The following MALRD1 variants were observed in gnomAD, a reference collection of about 807,000 sequenced individuals.
MALRD1 encodes the protein MAM and LDL-receptor class A domain-containing protein 1.
Under a neutral mutation model 242.1 loss-of-function variants are expected in MALRD1, and 247 were observed. The observed-to-expected ratio is 1.02, with a 90% CI of 0.92 to 1.13. MALRD1 has a LOEUF of 1.13. MALRD1 is among the 50% of genes most tolerant of loss of function. The pLI is 0.00. For synonymous variants in MALRD1, 995 were observed against 866.6 expected (o/e 1.15, Z -2.60); for missense variants, 2,989 against 2,533.1 (o/e 1.18, Z -3.86).
At chr10:19,270,842 A>ACACACACG (rs1380988363) in intron 19 of MALRD1, among the ~76,000 whole-genome samples, 3 of 149,630 alleles carry the variant, frequency 2.0e-5, no homozygotes, top group Non-Finnish European at 4.5e-5. Flanking sequence ...ACACACACAC[A>ACACACACG]CGCACACACA....
chr10:19,612,034 A>C (rs1838923457), intron 35 of MALRD1, among the ~76,000 whole-genome samples: 1 of 152,002 alleles, frequency 6.6e-6, no homozygotes, highest in South Asian at 2.1e-4. Flanking sequence ...TGACCCACCC[A>C]AAAATGGTCA....
At chr10:19,367,563 C>G (rs934881956) in intron 26 of MALRD1, among the ~76,000 whole-genome samples, 1 of 152,094 alleles carries the variant, frequency 6.6e-6, no homozygotes, top group Non-Finnish European at 1.5e-5. Flanking sequence ...GTGAATAGTG[C>G]TGCAGTAGAC....
intron 31 of MALRD1, among the ~76,000 whole-genome samples, chr10:19,503,866 G>A (rs1470839250): frequency 2.0e-5 from 3 of 151,540 alleles, no homozygotes; most frequent in Non-Finnish European, 4.4e-5. Flanking sequence ...CATTTCCTGA[G>A]TGCTTACTAA....
intron 31 of MALRD1, among the ~76,000 whole-genome samples, chr10:19,514,973 A>G (rs980829165): frequency 1.3e-5 from 2 of 152,148 alleles, no homozygotes; most frequent in Admixed American, 6.5e-5. Context: ...TTGATCACAC[A>G]TAAAATATCT....
chr10:19,219,268 G>A lies in MALRD1; in HGVS notation c.2991+9588G>A, dbSNP rs116300233. ...TCTGGAATGTGGTTGTTGCAGCACTGGTCACTTATACTAATTATATAAAAA... is the reference window on the plus strand; with the variant it reads ...TCTGGAATGTGGTTGTTGCAGCACTAGTCACTTATACTAATTATATAAAAA... On this transcript the variant is annotated intron_variant, in intron 18 of 39. Transcript: ENST00000454679. 3.3e-3 allele frequency among the ~76,000 whole-genome samples: 495 copies of A among 151,878 alleles called. 3 individuals carry two copies. The highest frequency in any genetic ancestry group is 0.011 in the African/African-American group (448 of 41,436).
intron 38 of MALRD1, among the ~76,000 whole-genome samples, chr10:19,724,005 C>T (rs1404348912): frequency 6.6e-6 from 1 of 152,102 alleles, no homozygotes; most frequent in Admixed American, 6.5e-5. Context: ...CTGCAGTGAG[C>T]TATGATCACA....
chr10:19,711,690 C>T (rs1468256912), intron 38 of MALRD1, among the ~76,000 whole-genome samples: 1 of 152,180 alleles, frequency 6.6e-6, no homozygotes, highest in Non-Finnish European at 1.5e-5. Flanking sequence ...GTGTGTGGCA[C>T]AGACTGTGAC....
At chr10:19,593,633 C>G (rs1837929882) in intron 33 of MALRD1, among the ~76,000 whole-genome samples, 1 of 152,172 alleles carries the variant, frequency 6.6e-6, no homozygotes, top group South Asian at 2.1e-4. Context: ...AAGCATCCCA[C>G]TAATCACCAA....
At chr10:19,609,557 GTC>G (rs1838793148) in intron 35 of MALRD1, among the ~76,000 whole-genome samples, 1 of 151,922 alleles carries the variant, frequency 6.6e-6, no homozygotes, top group Non-Finnish European at 1.5e-5. Flanking sequence ...TCCCATAGTG[GTC>G]TCACCATGGT....
chr10:19,233,034 A>AT (rs958295198), intron 18 of MALRD1, among the ~76,000 whole-genome samples: 7 of 151,990 alleles, frequency 4.6e-5, no homozygotes, highest in Admixed American at 6.6e-5. Context: ...TTAAAAAACA[A>AT]TTTTTTTTAG....
At chr10:19,217,675 C>T (rs1277096245) in intron 18 of MALRD1, among the ~76,000 whole-genome samples, 1 of 151,864 alleles carries the variant, frequency 6.6e-6, no homozygotes, top group Non-Finnish European at 1.5e-5. Flanking sequence ...TACAGGCGTG[C>T]ACCATCGTGC....
intron 35 of MALRD1, among the ~76,000 whole-genome samples, chr10:19,611,677 C>T (rs1313285347): frequency 2.6e-5 from 4 of 152,014 alleles, no homozygotes; most frequent in Non-Finnish European, 4.4e-5. Context: ...TACTCAGCCT[C>T]TTCATGGCTA....
chr10:19,331,266 C>T (rs940857274), intron 23 of MALRD1, 103 bp from the exon 24 acceptor site: 1 of 1,004,272 alleles, frequency 1.0e-6, no homozygotes, highest in Non-Finnish European at 1.5e-6. Flanking sequence ...AAAAAACAAA[C>T]AACAAAAAAC....
At chr10:19,447,636 A>C (rs561791432) in intron 28 of MALRD1, among the ~76,000 whole-genome samples, 33 of 152,332 alleles carry the variant, frequency 2.2e-4, no homozygotes, top group African/African-American at 7.9e-4. Context: ...TATAAACTGC[A>C]GAGGCAGATA....
At chr10:19,417,829 C>T (rs1308465482) in intron 28 of MALRD1, among the ~76,000 whole-genome samples, 2 of 152,078 alleles carry the variant, frequency 1.3e-5, no homozygotes, top group East Asian at 3.9e-4. Flanking sequence ...GAGCTGAATG[C>T]ATGTAACATG....
intron 18 of MALRD1, among the ~76,000 whole-genome samples, chr10:19,253,614 T>G (rs1839387047): frequency 6.6e-6 from 1 of 151,948 alleles, no homozygotes; most frequent in Non-Finnish European, 1.5e-5. Context: ...TTTTATTGTG[T>G]TTTATTTAAA....
In MALRD1 at chr10:19,389,564, T is replaced by C. The variant is rs1846247406; in HGVS notation, c.4800T>C (p.Tyr1600=). ...SSAACTMSFW[Y]FVSAKATGSI... Reference sequence around the variant, plus strand: ...CAGCCTGCACCATGAGCTTCTGGTATTTCGTATCTGCAAAGGCCACAGGAT... The same window carrying C: ...CAGCCTGCACCATGAGCTTCTGGTACTTCGTATCTGCAAAGGCCACAGGAT... The change falls in exon 28 of 40, where the codon TAT becomes TAC. Residue 1600 remains tyrosine, a synonymous_variant. Transcript: ENST00000454679. 1 of 1,550,724 alleles carries C rather than the reference T, an allele frequency of 6.4e-7. No homozygotes were observed. Among genetic ancestry groups the C allele is most frequent in the African/African-American group, 1.4e-5 (1 of 73,146 alleles).
chr10:19,211,485 G>A (rs1436567958), intron 18 of MALRD1, among the ~76,000 whole-genome samples: 1 of 151,834 alleles, frequency 6.6e-6, no homozygotes, highest in Non-Finnish European at 1.5e-5. Context: ...TTGAGGTCAG[G>A]AGATCAAGAC....
At chr10:19,553,532 A>G (rs1302985984) in intron 32 of MALRD1, among the ~76,000 whole-genome samples, 2 of 152,088 alleles carry the variant, frequency 1.3e-5, no homozygotes, top group Admixed American at 6.6e-5. Flanking sequence ...TCTGATTTCT[A>G]GTGTTTAAAT....
Sources: gnomAD v4.1 joint callset for allele counts (sites outside exome capture counted in the v4.1 genomes callset) on GRCh38, gnomAD v4.1.1 for gene constraint, MANE v1.5 for transcripts, NCBI Gene and HGNC (gene_info 2026-07-23, HGNC 2026-07-21) for gene names.